PCDHA7: variants seen among roughly 807,000 people sequenced by gnomAD.
PCDHA7 encodes the protein protocadherin alpha-7.
A neutral mutation model predicts 57.2 loss-of-function variants in PCDHA7; 37 were observed. That is an observed-to-expected ratio of 0.65 (90% CI 0.50 to 0.85). PCDHA7 has a LOEUF of 0.85. Ranked by LOEUF, PCDHA7 falls within the 40% of genes least tolerant of loss-of-function variation. The pLI is 0.00. For missense variants in PCDHA7, 1,188 were observed against 1,241.8 expected, an observed-to-expected ratio of 0.96 and a Z score of 0.65; for synonymous variants, 553 against 558.8, an observed-to-expected ratio of 0.99 and a Z score of 0.15.
chr5:140,947,920 A>G (rs1336638527), intron 1 of PCDHA7, among the ~76,000 whole-genome samples: 1 of 151,504 alleles, frequency 6.6e-6, no homozygotes, highest in African/African-American at 2.4e-5. Context: ...TCTTGCCTTA[A>G]CCCTGATCTT....
Position 140,869,675 on chromosome 5 carries a change from G to C in PCDHA7, c.2355+32937G>C, listed in dbSNP as rs1040647730. 3 of 1,613,268 alleles carry C rather than the reference G, an allele frequency of 1.9e-6. No homozygotes were observed. The South Asian group carries it at 3.3e-5, about 18-fold the overall frequency. Reference sequence around the variant, plus strand: ...CCAACAAATGGTAAGCAGATTAAAAGACTGTCACTTATTTTAAAGAAGTCT... The same window carrying C: ...CCAACAAATGGTAAGCAGATTAAAACACTGTCACTTATTTTAAAGAAGTCT... On this transcript the variant is annotated intron_variant, in intron 1 of 3. Transcript: ENST00000525929.
In PCDHA7 at chr5:140,987,225, A is replaced by T. The variant is rs182444933; in HGVS notation, c.2503+4662A>T. On this transcript the variant is annotated intron_variant, in intron 3 of 3. Transcript: ENST00000525929. Reference sequence around the variant, plus strand: ...TGAGACTCCATCTCAAAAAAAAAAAAAATAATAAATAAAGAAAGAAAGACA... The same window carrying T: ...TGAGACTCCATCTCAAAAAAAAAAATAATAATAAATAAAGAAAGAAAGACA... 6.5e-3 allele frequency among the ~76,000 whole-genome samples: 935 copies of T among 143,134 alleles called. 9 individuals carry two copies. Among genetic ancestry groups the T allele is most frequent in the African/African-American group, 0.025 (815 of 32,962 alleles). The allele number at this position is 143,134 out of a possible 152,430, so 93.9% of individuals were successfully genotyped here. A position where few individuals can be genotyped will look rare whatever the true frequency, so the allele number is the denominator to read the frequency against.
intron 1 of PCDHA7, chr5:140,870,359 C>T (rs781862161): frequency 2.5e-6 from 4 of 1,614,204 alleles, no homozygotes; most frequent in Middle Eastern, 1.6e-4. Context: ...AACGTGTGGG[C>T]CTATGAACTG....
chr5:140,971,843 G>T (rs1250084892), intron 1 of PCDHA7, among the ~76,000 whole-genome samples: 2 of 151,906 alleles, frequency 1.3e-5, no homozygotes, highest in Non-Finnish European at 2.9e-5. Flanking sequence ...TGCAAGTCAT[G>T]CGTTAAATAT....
At chr5:140,966,356 C>G (rs1300973653) in intron 1 of PCDHA7, 2 of 400,342 alleles carry the variant, frequency 5.0e-6, no homozygotes, top group Non-Finnish European at 8.8e-6. Flanking sequence ...GGAGATGGGG[C>G]TGGAGAGGCT....
At chr5:140,914,606 C>A (rs1212372337) in intron 1 of PCDHA7, among the ~76,000 whole-genome samples, 2 of 152,072 alleles carry the variant, frequency 1.3e-5, no homozygotes, top group Admixed American at 6.5e-5. Context: ...CTTCCTCCTG[C>A]CATTTTGTAA....
chr5:140,921,486 G>A (rs782660925), intron 1 of PCDHA7, among the ~76,000 whole-genome samples: 1 of 152,128 alleles, frequency 6.6e-6, no homozygotes, highest in African/African-American at 2.4e-5. Flanking sequence ...CTCTACCTGA[G>A]ATTAGTTTAT....
chr5:140,871,567 AT>A (rs1441824086), intron 1 of PCDHA7: 5 of 1,483,054 alleles, frequency 3.4e-6, no homozygotes, highest in African/African-American at 1.4e-5. Context: ...TTTTTCACGG[AT>A]TTTTTAAGGG....
chr5:140,963,526 T>G (rs1359195018), intron 1 of PCDHA7, among the ~76,000 whole-genome samples: 3 of 152,204 alleles, frequency 2.0e-5, no homozygotes, highest in Non-Finnish European at 4.4e-5. Flanking sequence ...ATAACAGAAG[T>G]CCCATTTACT....
At chr5:140,945,673 A>G (rs192775886) in intron 1 of PCDHA7, among the ~76,000 whole-genome samples, 137 of 152,272 alleles carry the variant, frequency 9.0e-4, no homozygotes, top group Middle Eastern at 3.4e-3. Context: ...CCAGAAATAA[A>G]TCCACACAGT....
intron 1 of PCDHA7, chr5:140,863,441 C>T (rs1430733740): frequency 1.0e-5 from 6 of 601,724 alleles, no homozygotes; most frequent in Non-Finnish European, 1.9e-5. Context: ...TCTGGTCTTA[C>T]TCGCAGCAAA....
intron 1 of PCDHA7, chr5:140,969,203 G>T (rs781962982): frequency 8.1e-6 from 13 of 1,614,178 alleles, no homozygotes; most frequent in Non-Finnish European, 1.1e-5. Flanking sequence ...CAATACAGGG[G>T]CCCAGACAGG....
intron 1 of PCDHA7, among the ~76,000 whole-genome samples, chr5:140,910,954 G>A (rs183183329): frequency 3.4e-4 from 51 of 152,174 alleles, no homozygotes; most frequent in Admixed American, 7.2e-4. Flanking sequence ...CTTTTCGAGT[G>A]TAGCACACCT....
chr5:140,835,995 C>G lies in PCDHA7; in HGVS notation c.1612C>G (p.Arg538Gly). The G allele has an allele frequency of 4.3e-6, 7 of 1,613,324 alleles. No individual in the cohort carries two copies. The highest frequency in any genetic ancestry group is 5.1e-6 in the Non-Finnish European group (6 of 1,179,716). Residue 538 changes from arginine (R) to glycine (G), a missense_variant, in exon 1 of 4, where the codon CGC becomes GGC. Arg to Gly is a moderately radical substitution (Grantham distance 125, BLOSUM62 -2). Around this residue, in one of 3 missense-constraint regions of PCDHA7, gnomAD observed 892 missense variants for 788.5 expected, o/e 1.13. Coordinates refer to ENST00000525929, the MANE Select transcript of PCDHA7 (RefSeq NM_018910.3). Reference protein sequence around the residue: ...LELLQFQVSARDAGVPPLGSN... With the variant: ...LELLQFQVSAGDAGVPPLGSN... ...GCTGTTGCAGTTCCAGGTGAGCGCG[C>G]GCGATGCGGGCGTGCCGCCTCTGGG...
chr5:140,849,857 G>C (rs781928576), intron 1 of PCDHA7: 1 of 1,598,626 alleles, frequency 6.3e-7, no homozygotes, highest in Non-Finnish European at 8.6e-7. Context: ...ACGCACCAGC[G>C]TTCGCGCAGT....
At chr5:140,883,379 C>G in intron 1 of PCDHA7, 1 of 1,614,182 alleles carries the variant, frequency 6.2e-7, no homozygotes, top group Non-Finnish European at 8.5e-7. Flanking sequence ...CATTATTGCC[C>G]TAATCAGTGT....
At chr5:140,850,631 T>A (rs2150491599) in intron 1 of PCDHA7, 1 of 1,598,518 alleles carries the variant, frequency 6.3e-7, no homozygotes, top group South Asian at 1.1e-5. Flanking sequence ...GCCTGTTGGT[T>A]CTCACGCTGC....
intron 1 of PCDHA7, among the ~76,000 whole-genome samples, chr5:140,922,616 A>G (rs2080916487): frequency 6.6e-6 from 1 of 152,242 alleles, no homozygotes; most frequent in African/African-American, 2.4e-5. Context: ...TATTAAAACT[A>G]TGGTACACAT....
chr5:140,898,995 T>C (rs1176186680), intron 1 of PCDHA7, among the ~76,000 whole-genome samples: 4 of 151,956 alleles, frequency 2.6e-5, no homozygotes, highest in Non-Finnish European at 5.9e-5. Flanking sequence ...TCTGTTTGTC[T>C]GTTATTGGTG....
Sources: allele counts gnomAD v4.1 joint callset (sites outside exome capture counted in the v4.1 genomes callset), GRCh38; gene constraint gnomAD v4.1.1; regional missense constraint gnomAD v4.1.1; transcripts MANE v1.5; gene names NCBI Gene and HGNC (gene_info 2026-07-23, HGNC 2026-07-21).